JAZF1: variants seen among roughly 807,000 people sequenced by gnomAD.
The protein encoded by JAZF1 is juxtaposed with another zinc finger protein 1.
Under a neutral mutation model 26.4 loss-of-function variants are expected in JAZF1, and 8 were observed. The observed-to-expected ratio is 0.30, with a 90% confidence interval of 0.18 to 0.55. The LOEUF (loss-of-function observed/expected upper bound fraction) is 0.55, where lower values mean the gene tolerates loss of function less well. Among genes scored for constraint, JAZF1 ranks in the 20% least tolerant of loss-of-function variants. The pLI is 0.94. For synonymous variants in JAZF1, 126 were observed against 122.3 expected (o/e 1.03, Z -0.20); for missense variants, 199 against 322.0 (o/e 0.62, Z 2.92).
intron 1 of JAZF1, among the ~76,000 whole-genome samples, chr7:28,171,460 C>T (rs1339786065): frequency 6.6e-6 from 1 of 152,124 alleles, no homozygotes. Context: ...TTTCTGAAAA[C>T]ACGTCTTGGG....
chr7:27,890,496 T>C (rs559932650), intron 3 of JAZF1, among the ~76,000 whole-genome samples: 11 of 152,182 alleles, frequency 7.2e-5, no homozygotes, highest in Non-Finnish European at 1.6e-4. Flanking sequence ...GTGTGGATGG[T>C]ATAATAAAGT....
At chr7:28,078,990 AT>A (rs113270032) in intron 1 of JAZF1, among the ~76,000 whole-genome samples, 3,984 of 140,710 alleles carry the variant, frequency 0.028, 38 homozygotes, top group Non-Finnish European at 0.036. Context: ...AATGCCCATA[AT>A]TTTTTTTTTT....
chr7:27,933,653 G>T (rs1784720066), intron 2 of JAZF1, among the ~76,000 whole-genome samples: 1 of 152,140 alleles, frequency 6.6e-6, no homozygotes, highest in Non-Finnish European at 1.5e-5. Flanking sequence ...GTTGCTTGTG[G>T]ATATACTGTA....
At chr7:28,151,264 C>T (rs560140939) in intron 1 of JAZF1, among the ~76,000 whole-genome samples, 15 of 151,614 alleles carry the variant, frequency 9.9e-5, no homozygotes, top group Middle Eastern at 3.4e-3. Flanking sequence ...CCACCACACT[C>T]GGCTAATTTT....
chr7:27,871,696 A>T (rs2128338032), intron 3 of JAZF1, among the ~76,000 whole-genome samples: 1 of 152,282 alleles, frequency 6.6e-6, no homozygotes, highest in East Asian at 1.9e-4. Flanking sequence ...CTATGTCTAT[A>T]TTTTTCTAAA....
intron 3 of JAZF1, among the ~76,000 whole-genome samples, chr7:27,865,674 G>A (rs1006163751): frequency 6.6e-6 from 1 of 152,118 alleles, no homozygotes; most frequent in African/African-American, 2.4e-5. Flanking sequence ...TAGGAGTACA[G>A]TGAGTGCCAC....
chr7:27,890,718 C>G (rs990346954), intron 3 of JAZF1, among the ~76,000 whole-genome samples: 2 of 150,960 alleles, frequency 1.3e-5, no homozygotes, highest in African/African-American at 4.9e-5. Flanking sequence ...AGTAAGCACA[C>G]ACAGCAAACA....
intron 2 of JAZF1, among the ~76,000 whole-genome samples, chr7:27,940,797 T>C (rs1784835614): frequency 6.6e-6 from 1 of 152,234 alleles, no homozygotes; most frequent in African/African-American, 2.4e-5. Context: ...GGATTCTGTA[T>C]CTGAACTTTT....
intron 1 of JAZF1, among the ~76,000 whole-genome samples, chr7:28,053,537 AG>A (rs1783649727): frequency 6.6e-6 from 1 of 152,242 alleles, no homozygotes; most frequent in South Asian, 2.1e-4. Flanking sequence ...AATCTTTTAC[AG>A]GAGTGTATTC....
intron 2 of JAZF1, among the ~76,000 whole-genome samples, chr7:27,940,713 C>T (rs1784834062): frequency 6.6e-6 from 1 of 152,180 alleles, no homozygotes; most frequent in Non-Finnish European, 1.5e-5. Context: ...TACACCAGCG[C>T]AGCAGCCCTT....
At chr7:28,014,573 G>A (rs1254923713) in intron 1 of JAZF1, among the ~76,000 whole-genome samples, 1 of 152,212 alleles carries the variant, frequency 6.6e-6, no homozygotes, top group African/African-American at 2.4e-5. Context: ...TGCCATCCAT[G>A]TAAGACATGA....
intron 2 of JAZF1, among the ~76,000 whole-genome samples, chr7:27,928,992 C>G (rs926999215): frequency 5.9e-5 from 9 of 152,170 alleles, no homozygotes; most frequent in African/African-American, 1.9e-4. Flanking sequence ...ACAGGAAGGG[C>G]ATGGACGATG....
chr7:27,920,954 A>G (rs534516625), intron 2 of JAZF1, among the ~76,000 whole-genome samples: 2 of 152,248 alleles, frequency 1.3e-5, no homozygotes, highest in Non-Finnish European at 2.9e-5. Flanking sequence ...CCACTTAATT[A>G]AGTCTTAATG....
intron 1 of JAZF1, among the ~76,000 whole-genome samples, chr7:27,996,249 C>T (rs891011576): frequency 2.6e-5 from 4 of 152,118 alleles, no homozygotes; most frequent in African/African-American, 4.8e-5. Context: ...AGAAACCAGC[C>T]GCACAATGTC....
At chr7:28,115,082 A>G (rs1784720905) in intron 1 of JAZF1, among the ~76,000 whole-genome samples, 2 of 152,174 alleles carry the variant, frequency 1.3e-5, no homozygotes, top group Admixed American at 1.3e-4. Flanking sequence ...AAGCAGTGAA[A>G]TGACACATGT....
intron 1 of JAZF1, among the ~76,000 whole-genome samples, chr7:28,161,574 G>A (rs1322968636): frequency 1.3e-5 from 2 of 152,170 alleles, no homozygotes; most frequent in Non-Finnish European, 2.9e-5. Flanking sequence ...AGTGTCAGGA[G>A]TGACTTTCAG....
chr7:28,092,081 A>G (rs990645604), intron 1 of JAZF1, among the ~76,000 whole-genome samples: 3 of 152,028 alleles, frequency 2.0e-5, no homozygotes, highest in Non-Finnish European at 2.9e-5. Flanking sequence ...CATTGAGGGT[A>G]TATTTGGGTT....
chr7:27,979,785 G>T (rs76117030), intron 2 of JAZF1, among the ~76,000 whole-genome samples: 1 of 152,050 alleles, frequency 6.6e-6, no homozygotes, highest in East Asian at 1.9e-4. Context: ...AATTTCCTGG[G>T]TGCTATGCCC....
intron 1 of JAZF1, among the ~76,000 whole-genome samples, chr7:28,008,785 A>G (rs1030952414): frequency 1.3e-5 from 2 of 152,268 alleles, no homozygotes; most frequent in Non-Finnish European, 2.9e-5. Flanking sequence ...TTTTCCAAAG[A>G]GCCATATGAC....
Sources: gnomAD v4.1 joint callset for allele counts (sites outside exome capture counted in the v4.1 genomes callset) on GRCh38, gnomAD v4.1.1 for gene constraint, MANE v1.5 for transcripts, NCBI Gene and HGNC (gene_info 2026-07-23, HGNC 2026-07-21) for gene names.